The following GOLPH3L variants were observed in gnomAD, a reference collection of about 807,000 sequenced individuals.
GOLPH3L encodes the protein golgi phosphoprotein 3 like.
In GOLPH3L, 22 loss-of-function variants were observed where a neutral mutation model predicts 30.3. The observed-to-expected ratio is 0.73, with a 90% CI of 0.52 to 1.04. The LOEUF is 1.04. Ranked by LOEUF, GOLPH3L falls within the 50% of genes least tolerant of loss-of-function variation. The pLI is 0.00. For synonymous variants in GOLPH3L, 120 were observed against 128.2 expected (o/e 0.94, Z 0.43); for missense variants, 303 against 345.8 (o/e 0.88, Z 0.98).
rs1156544180 is a variant in GOLPH3L, at chr1:150,647,487, T to G, written c.*834A>C. On this transcript the variant is annotated 3_prime_UTR_variant, in exon 5 of 5. Coordinates refer to ENST00000271732, the MANE Select transcript of GOLPH3L (RefSeq NM_018178.6). ...CTGCCTGGGCAAGAGCAAGACCCTG[T>G]CTCAAAAGAAAAAAAAAAAAAAAGT... 6.7e-6 allele frequency: 1 copy of G among 149,292 alleles called. No individual in the cohort carries two copies. Among genetic ancestry groups the G allele is most frequent in the Non-Finnish European group, 1.5e-5 (1 of 67,752 alleles). The allele number at this position is 149,292 out of a possible 1,614,324, so 9.2% of individuals were successfully genotyped here.
At chr1:150,689,921 G>C (rs1651171128) in intron 2 of GOLPH3L, among the ~76,000 whole-genome samples, 1 of 151,922 alleles carries the variant, frequency 6.6e-6, no homozygotes. Context: ...TTATAGATGT[G>C]AGCCACTGCG....
chr1:150,672,846 G>A (rs955480682), intron 2 of GOLPH3L, among the ~76,000 whole-genome samples: 1 of 152,188 alleles, frequency 6.6e-6, no homozygotes, highest in Non-Finnish European at 1.5e-5. Flanking sequence ...CAGCCTGATC[G>A]TGAGGAAGGG....
At chr1:150,668,603 G>A (rs978915304) in intron 2 of GOLPH3L, among the ~76,000 whole-genome samples, 2 of 151,964 alleles carry the variant, frequency 1.3e-5, no homozygotes, top group African/African-American at 2.4e-5. Flanking sequence ...GGCTGGTCTC[G>A]AACTCCTCAG....
Position 150,647,946 on chromosome 1 carries a change from A to AT in GOLPH3L, c.*374_*375insA. 5.7e-6 allele frequency: 1 copy of AT among 174,598 alleles called. No individual in the cohort carries two copies. The allele number at this position is 174,598 out of a possible 1,614,324, so 10.8% of individuals were successfully genotyped here. On this transcript the variant is annotated 3_prime_UTR_variant, in exon 5 of 5. Coordinates refer to ENST00000271732, the MANE Select transcript of GOLPH3L (RefSeq NM_018178.6). Reference sequence around the variant, plus strand: ...TTATGATAGAAAACAAACTCAGAAAAATATAATAGATAGTTCACTTTTTAT... The same window carrying AT: ...TTATGATAGAAAACAAACTCAGAAAATATATAATAGATAGTTCACTTTTTAT...
intron 2 of GOLPH3L, among the ~76,000 whole-genome samples, chr1:150,670,500 G>A (rs1650620422): frequency 6.6e-6 from 1 of 152,006 alleles, no homozygotes; most frequent in African/African-American, 2.4e-5. Context: ...GGGAGGCTGA[G>A]GCAGGAGAAT....
chr1:150,672,427 TTATG>T (rs1016803895), intron 2 of GOLPH3L, among the ~76,000 whole-genome samples: 6 of 152,232 alleles, frequency 3.9e-5, no homozygotes, highest in African/African-American at 1.2e-4. Context: ...TAAAGACATT[TTATG>T]TATGTATGTA....
chr1:150,679,064 C>T (rs1243542060), intron 2 of GOLPH3L, among the ~76,000 whole-genome samples: 2 of 152,008 alleles, frequency 1.3e-5, no homozygotes, highest in African/African-American at 4.8e-5. Context: ...GCATTTTTTC[C>T]TAAAACAAAC....
intron 2 of GOLPH3L, among the ~76,000 whole-genome samples, chr1:150,693,793 A>ATGTGTGTGTGTG (rs1279332986): frequency 8.3e-5 from 6 of 72,442 alleles, no homozygotes; most frequent in Non-Finnish European, 1.5e-4. Flanking sequence ...TCAATTGTTT[A>ATGTGTGTGTGTG]TGTATGTGTG....
intron 2 of GOLPH3L, among the ~76,000 whole-genome samples, chr1:150,689,142 G>A (rs1651154186): frequency 2.0e-5 from 3 of 152,168 alleles, no homozygotes; most frequent in Admixed American, 2.0e-4. Context: ...ACAGTGACAT[G>A]AGAAATATGA....
At chr1:150,690,305 A>G (rs1462259718) in intron 2 of GOLPH3L, among the ~76,000 whole-genome samples, 1 of 152,138 alleles carries the variant, frequency 6.6e-6, no homozygotes, top group South Asian at 2.1e-4. Context: ...TTCTAAAAAA[A>G]TGATAATACT....
intron 3 of GOLPH3L, among the ~76,000 whole-genome samples, chr1:150,662,149 T>C (rs587630342): frequency 6.6e-6 from 1 of 152,182 alleles, no homozygotes; most frequent in East Asian, 1.9e-4. Context: ...TGGATATGAA[T>C]GATAATGGAG....
intron 2 of GOLPH3L, among the ~76,000 whole-genome samples, chr1:150,687,498 G>T (rs998586984): frequency 6.6e-6 from 1 of 151,848 alleles, no homozygotes; most frequent in South Asian, 2.1e-4. Context: ...AGAATTGAAC[G>T]CGGGAGGCAG....
At chr1:150,691,607 T>C (rs1557790762) in intron 2 of GOLPH3L, among the ~76,000 whole-genome samples, 2 of 152,114 alleles carry the variant, frequency 1.3e-5, no homozygotes, top group Non-Finnish European at 2.9e-5. Flanking sequence ...CTCTCCATTT[T>C]CCTTCCTAAT....
intron 2 of GOLPH3L, among the ~76,000 whole-genome samples, chr1:150,666,119 T>G (rs1433592547): frequency 6.6e-6 from 1 of 152,182 alleles, no homozygotes; most frequent in Admixed American, 6.6e-5. Context: ...ATAACATGAC[T>G]GTGCATGAAT....
intron 2 of GOLPH3L, among the ~76,000 whole-genome samples, chr1:150,690,276 T>G (rs935868388): frequency 3.3e-5 from 5 of 152,108 alleles, no homozygotes; most frequent in Non-Finnish European, 5.9e-5. Flanking sequence ...CCACCGTGCC[T>G]GCTTGAAAGA....
chr1:150,647,739 G>A lies in GOLPH3L; in HGVS notation c.*582C>T, dbSNP rs1263503093. The A allele has an allele frequency of 6.6e-6, 1 of 152,574 alleles. No individual in the cohort carries two copies. The highest frequency in any genetic ancestry group is 1.5e-5 in the Non-Finnish European group (1 of 68,070). The allele number at this position is 152,574 out of a possible 1,614,324, so 9.5% of individuals were successfully genotyped here. On this transcript the variant is annotated 3_prime_UTR_variant, in exon 5 of 5. Transcript: ENST00000271732. ...TTTGACATCCAGGTAATTGAATCTG[G>A]GACATTCTCATTAGGTTAGAAAAGG...
In GOLPH3L at chr1:150,694,793, T is replaced by C. The variant is rs202064653; in HGVS notation, c.46A>G (p.Asn16Asp). 1 of 1,613,602 alleles carries C rather than the reference T, an allele frequency of 6.2e-7. No homozygotes were observed. Among genetic ancestry groups the C allele is most frequent in the Admixed American group, 1.7e-5 (1 of 59,958 alleles). ...HRARRTEISK[N>D]SEKKMESEED... ...TCACTTTCCATCTTCTTTTCAGAGTTCTTGCTTATTTCAGTGCGACGGGCC... is the reference window on the plus strand; with the variant it reads ...TCACTTTCCATCTTCTTTTCAGAGTCCTTGCTTATTTCAGTGCGACGGGCC... The change falls in exon 2 of 5, where the codon AAC becomes GAC. Residue 16 changes from asparagine (N) to aspartate (D), a missense_variant. Physicochemically the swap from Asn to Asp is conservative, Grantham distance 23. Transcript: ENST00000271732.
intron 4 of GOLPH3L, among the ~76,000 whole-genome samples, chr1:150,651,642 C>CAAAAAAAAAAAAA (rs59940841): frequency 1.6e-5 from 1 of 60,850 alleles, no homozygotes; most frequent in Non-Finnish European, 3.0e-5. Flanking sequence ...GAGCGAAACT[C>CAAAAAAAAAAAAA]AAAAAAAAAA....
intron 4 of GOLPH3L, among the ~76,000 whole-genome samples, chr1:150,654,410 G>A (rs1650194062): frequency 6.6e-6 from 1 of 151,856 alleles, no homozygotes. Flanking sequence ...GGAGGCTGAG[G>A]CAGGGAGAAG....
Sources: allele counts gnomAD v4.1 joint callset (sites outside exome capture counted in the v4.1 genomes callset), GRCh38; gene constraint gnomAD v4.1.1; transcripts MANE v1.5; gene names NCBI Gene and HGNC (gene_info 2026-07-23, HGNC 2026-07-21).